The following POLA1 variants were observed in gnomAD, a reference collection of about 807,000 sequenced individuals.
The protein encoded by POLA1 is DNA polymerase alpha 1, catalytic subunit.
A neutral mutation model predicts 124.0 loss-of-function variants in POLA1; 15 were observed. That is an observed-to-expected ratio of 0.12 (90% CI 0.08 to 0.19). POLA1 has a LOEUF of 0.19. Among genes scored for constraint, POLA1 ranks in the 10% least tolerant of loss-of-function variants. The probability of loss-of-function intolerance (pLI) is 1.00; values close to 1 mark genes in which losing one functional copy is unlikely to be tolerated. For missense variants in POLA1, 886 were observed against 1,103.4 expected (o/e 0.80, Z 2.79); for synonymous variants, 408 against 389.4 (o/e 1.05, Z -0.56).
intron 35 of POLA1, among the ~76,000 whole-genome samples, chrX:24,904,939 G>A (rs1556020464): frequency 1.9e-5 from 2 of 107,732 alleles, no homozygotes; most frequent in South Asian, 4.2e-4. Flanking sequence ...CAGGAGAATC[G>A]CTTGAAACCA....
intron 15 of POLA1, among the ~76,000 whole-genome samples, chrX:24,731,597 A>G (rs1380936580): frequency 9.0e-6 from 1 of 111,451 alleles, no homozygotes; most frequent in African/African-American, 3.3e-5. Context: ...GTCTGGAGAC[A>G]TTTTTGGTTG....
At chrX:24,938,152 G>A (rs1260214892) in intron 36 of POLA1, among the ~76,000 whole-genome samples, 1 of 112,535 alleles carries the variant, frequency 8.9e-6, no homozygotes, top group African/African-American at 3.2e-5. Flanking sequence ...AGTGGCTCAC[G>A]CCTGTAATCC....
chrX:24,948,052 CAT>C (rs781160684), intron 36 of POLA1, among the ~76,000 whole-genome samples: 109 of 112,145 alleles, frequency 9.7e-4, no homozygotes, highest in Admixed American at 9.4e-4. Context: ...GGGAAAATAA[CAT>C]GTGTTTAAAA....
chrX:24,921,904 G>GTGTGTGTGTGTGTGTGTGTC (rs1324477926), intron 35 of POLA1, among the ~76,000 whole-genome samples: 4 of 110,796 alleles, frequency 3.6e-5, no homozygotes, highest in African/African-American at 1.3e-4. Flanking sequence ...GTGTGTGTGT[G>GTGTGTGTGTGTGTGTGTGTC]TGTGATGGGG....
Position 24,810,689 on chromosome X carries a change from A to G in POLA1, c.2998-19A>G. The G allele has an allele frequency of 1.3e-6, 1 of 750,816 alleles. No individual in the cohort carries two copies. The highest frequency in any genetic ancestry group is 2.0e-6 in the Non-Finnish European group (1 of 498,528). 61.9% of individuals were successfully genotyped at this position (750,816 alleles called of 1,213,427 possible). ...TCACTGTGTTTTTGTTAATTTTTAT[A>G]ATTTTTGCTTTTCATCAGATGAATC... is the stretch of plus-strand genomic sequence containing the variant. On this transcript the variant is annotated intron_variant, in intron 27 of 36. Coordinates refer to ENST00000379068, the MANE Select transcript of POLA1 (RefSeq NM_001330360.2).
chrX:24,823,131 A>G (rs1200793739), intron 31 of POLA1, among the ~76,000 whole-genome samples: 4 of 111,761 alleles, frequency 3.6e-5, no homozygotes, highest in African/African-American at 1.3e-4. Flanking sequence ...AATTTTATGT[A>G]TTTTTAGCAA....
At chrX:24,738,781 T>C (rs1931457171) in intron 19 of POLA1, among the ~76,000 whole-genome samples, 2 of 112,179 alleles carry the variant, frequency 1.8e-5, no homozygotes, top group African/African-American at 6.5e-5. Context: ...TACTTAAAGC[T>C]TATAAATAAA....
At chrX:24,788,594 T>C in intron 26 of POLA1, 1 of 1,193,178 alleles carries the variant, frequency 8.4e-7, no homozygotes, top group Non-Finnish European at 1.1e-6. Context: ...GACGCGCTCC[T>C]CTAATTTCGC....
intron 36 of POLA1, among the ~76,000 whole-genome samples, chrX:24,991,482 C>T (rs1361992963): frequency 8.9e-6 from 1 of 112,655 alleles, no homozygotes; most frequent in African/African-American, 3.2e-5. Context: ...CTCCTCCCTT[C>T]TCGCATCGGC....
chrX:24,864,814 G>A (rs192687388), intron 34 of POLA1, among the ~76,000 whole-genome samples: 73 of 109,303 alleles, frequency 6.7e-4, no homozygotes, highest in Admixed American at 1.6e-3. Flanking sequence ...TCTTATAGTC[G>A]TTCTTTTATT....
At chrX:24,779,319 C>T (rs1337802894) in intron 26 of POLA1, among the ~76,000 whole-genome samples, 2 of 111,949 alleles carry the variant, frequency 1.8e-5, no homozygotes, top group Non-Finnish European at 3.8e-5. Context: ...CCTTGTGATC[C>T]ACCTGCCTCA....
At chrX:24,947,246 CTTTTTTTTTTTTTTTTTTTT>C (rs764618354) in intron 36 of POLA1, among the ~76,000 whole-genome samples, 41 of 21,614 alleles carry the variant, frequency 1.9e-3, no homozygotes, top group South Asian at 0.015. Context: ...CCTGCAGATT[CTTTTTTTTTTTTTTTTTTTT>C]TTTTTTTTTT....
At chrX:24,946,848 T>C (rs2047967951) in intron 36 of POLA1, among the ~76,000 whole-genome samples, 1 of 112,093 alleles carries the variant, frequency 8.9e-6, no homozygotes, top group Non-Finnish European at 1.9e-5. Flanking sequence ...TCCATCCTCT[T>C]TTCTCTGCTA....
intron 32 of POLA1, 64 bp downstream of exon 32, chrX:24,826,665 C>A: frequency 1.5e-6 from 1 of 687,310 alleles, no homozygotes; most frequent in Non-Finnish European, 2.2e-6. Context: ...TCTTCCTTGT[C>A]TCTTGAGATC....
chrX:24,783,368 T>A (rs2045301353), intron 26 of POLA1, among the ~76,000 whole-genome samples: 1 of 111,578 alleles, frequency 9.0e-6, no homozygotes, highest in East Asian at 2.8e-4. Context: ...CTTTGTAGTT[T>A]TTTCACAGAG....
intron 36 of POLA1, among the ~76,000 whole-genome samples, chrX:24,948,546 T>C (rs1286788853): frequency 8.9e-6 from 1 of 111,856 alleles, no homozygotes; most frequent in East Asian, 2.8e-4. Context: ...TGATAAACCA[T>C]ATATTTGTAT....
At chrX:24,733,944 A>G (rs1280584419) in intron 17 of POLA1, 128 bp downstream of exon 17, 2 of 403,277 alleles carry the variant, frequency 5.0e-6, no homozygotes, top group East Asian at 7.9e-5. Context: ...GGACTATGAC[A>G]TCGACCCATT....
At chrX:24,814,422 G>A (rs780627599) in intron 29 of POLA1, among the ~76,000 whole-genome samples, 13 of 111,639 alleles carry the variant, frequency 1.2e-4, no homozygotes, top group Non-Finnish European at 2.1e-4. Flanking sequence ...AAGGAATAGC[G>A]TAAGGGAGAA....
chrX:24,976,603 A>G (rs1660075475), intron 36 of POLA1, among the ~76,000 whole-genome samples: 2 of 112,550 alleles, frequency 1.8e-5, no homozygotes, highest in South Asian at 3.7e-4. Context: ...CTGGACAGAC[A>G]CAGAAATGGA....
Sources: allele counts gnomAD v4.1 joint callset (sites outside exome capture counted in the v4.1 genomes callset), GRCh38; gene constraint gnomAD v4.1.1; transcripts MANE v1.5; gene names NCBI Gene and HGNC (gene_info 2026-07-23, HGNC 2026-07-21).